The following MYH3 variants were observed in gnomAD, a reference collection of about 807,000 sequenced individuals.
The protein encoded by MYH3 is myosin heavy chain 3, also known as myosin-3.
MYH3 carries 130 observed loss-of-function variants against 238.0 expected under a neutral mutation model. That is an observed-to-expected ratio of 0.55 (90% confidence interval 0.47 to 0.63). The LOEUF (loss-of-function observed/expected upper bound fraction) is 0.63. Ranked by LOEUF, MYH3 falls within the 30% of genes least tolerant of loss-of-function variation. MYH3 has a pLI of 0.00. For synonymous variants in MYH3, 880 were observed against 924.1 expected (o/e 0.95, Z 0.86); for missense variants, 1,853 against 2,374.9 (o/e 0.78, Z 4.57).
At chr17:10,628,875 G>A (rs1382358266) in intron 40 of MYH3, among the ~76,000 whole-genome samples, 196 bp from the exon 41 acceptor site, 1 of 152,200 alleles carries the variant, frequency 6.6e-6, no homozygotes, top group African/African-American at 2.4e-5. Flanking sequence ...GAAAGAGCAA[G>A]CCCCAAACGC....
rs767805260 is a variant in MYH3, at chr17:10,635,892, C to T, written c.3857-39G>A. Reference sequence around the variant, plus strand: ...GAAATAGTTTCATTTCATTTATTCACTCATTCACTCACCAACTTTCTATTA... The same window carrying T: ...GAAATAGTTTCATTTCATTTATTCATTCATTCACTCACCAACTTTCTATTA... On this transcript the variant is annotated intron_variant, in intron 28 of 40. Coordinates refer to ENST00000583535, the MANE Select transcript of MYH3 (RefSeq NM_002470.4). 9 of 1,530,050 alleles carry T rather than the reference C, an allele frequency of 5.9e-6. No homozygotes were observed. In the Admixed American group the frequency reaches 1.3e-4, roughly 23 times the overall value. 94.8% of individuals were successfully genotyped at this position (1,530,050 alleles called of 1,614,324 possible).
chr17:10,671,125 C>G, the MYH3 span, among the ~76,000 whole-genome samples: 1 of 152,120 alleles, frequency 6.6e-6, no homozygotes, highest in Non-Finnish European at 1.5e-5. Flanking sequence ...AACTCCTGAC[C>G]TCAGGTGATC....
chr17:10,633,899 A>G, intron 32 of MYH3, 118 bp downstream of exon 32: 2 of 1,471,470 alleles, frequency 1.4e-6, no homozygotes, highest in Non-Finnish European at 1.9e-6. Flanking sequence ...CACTTTCTGC[A>G]TGTGCATTAA....
At chr17:10,635,163 C>T (rs1452701307) in intron 30 of MYH3, 140 bp from the exon 31 acceptor site, 3 of 1,313,828 alleles carry the variant, frequency 2.3e-6, no homozygotes, top group African/African-American at 2.9e-5. Flanking sequence ...TTCCTGTCTA[C>T]TCAAAATCTG....
chr17:10,648,593 G>A lies in MYH3; in HGVS notation c.699C>T (p.Asn233=), dbSNP rs16943604. The A allele has an allele frequency of 6.5e-3, 10,444 of 1,613,636 alleles. 84 individuals carry two copies. The highest frequency in any genetic ancestry group is 0.029 in the African/African-American group (2,194 of 75,008). The change falls in exon 8 of 41, where the codon AAC becomes AAT. Residue 233 remains asparagine, a synonymous_variant. Transcript: ENST00000583535. ...AGTTGTCATTCCTCACAGTCTTGGCGTTCCCAAAGGCCTCCAGCAGGGGAT... is the reference window on the plus strand; with the variant it reads ...AGTTGTCATTCCTCACAGTCTTGGCATTCCCAAAGGCCTCCAGCAGGGGAT... The part of the protein sequence containing the change: ...SANPLLEAFG[N]AKTVRNDNSS...
At chr17:10,669,448 GAGGCTGAGGCAGGA>G in the MYH3 span, among the ~76,000 whole-genome samples, 2 of 151,954 alleles carry the variant, frequency 1.3e-5, no homozygotes, top group African/African-American at 4.8e-5. Context: ...AGCTACTCAG[GAGGCTGAGGCAGGA>G]AGGCTGAGGC....
the MYH3 span, among the ~76,000 whole-genome samples, chr17:10,670,093 C>T: frequency 6.6e-6 from 1 of 152,120 alleles, no homozygotes; most frequent in African/African-American, 2.4e-5. This position sits in a 1 kb window ranked among gnomAD's most constrained non-coding sequence, Gnocchi z 7.0. Flanking sequence ...GTGACATTCT[C>T]CAGGGGGAAT....
At chr17:10,640,833 C>T in intron 19 of MYH3, 147 bp from the exon 20 acceptor site, 1 of 1,075,958 alleles carries the variant, frequency 9.3e-7, no homozygotes, top group South Asian at 1.3e-5. Context: ...TGCTAGAGAG[C>T]AGTCTAGAAT....
rs779700642 is a variant in MYH3, at chr17:10,652,560, G to A, written c.208C>T (p.Leu70=). 1.4e-4 allele frequency: 218 copies of A among 1,575,466 alleles called. 3 individuals are homozygous for A. The Middle Eastern group carries it at 6.2e-3, about 45-fold the overall frequency. The change falls in exon 4 of 41, where the codon CTG becomes TTG. Residue 70 remains leucine, a synonymous_variant. Transcript: ENST00000583535. ...VTVETEDNRT[L]VVKPEDVYAM... ...TACACATCCTCTGGTTTGACCACCA[G>A]GGTCTAAAAAGGAAGAGGCACAGTG...
chr17:10,667,469 G>T, the MYH3 span, among the ~76,000 whole-genome samples: 1 of 152,086 alleles, frequency 6.6e-6, no homozygotes, highest in East Asian at 1.9e-4. Flanking sequence ...ATCACTTGAG[G>T]ATAGGAGTTT....
rs869320749 is a variant in MYH3, at chr17:10,648,561, CG to C, written c.730del (p.Arg244ValfsTer35). The C allele has an allele frequency of 6.2e-7, 1 of 1,612,904 alleles. No individual in the cohort carries two copies. The highest frequency in any genetic ancestry group is 1.3e-5 in the African/African-American group (1 of 74,900). ...CTTAACCAAACTCAGACTCACAAAA[CG>C]GGAGGAGTTGTCATTCCTCACAGTC... ...AKTVRNDNSSRFGKFIRIHFG... is the reference protein window; with the variant it reads ...AKTVRNDNSSXFGKFIRIHFG... On this transcript the variant is annotated frameshift_variant, in exon 8 of 41. Transcript: ENST00000583535. LOFTEE classifies it high-confidence loss of function.
In MYH3 at chr17:10,631,813, C is replaced by T. The variant is rs747056618; in HGVS notation, c.5160G>A (p.Gln1720=). The T allele has an allele frequency of 9.9e-6, 16 of 1,614,158 alleles. No individual in the cohort carries two copies. The highest frequency in any genetic ancestry group is 1.2e-5 in the Non-Finnish European group (14 of 1,180,026). ...CCTCTCTTCCTCTCCCTCCCCTCAC[C>T]TGGGTATGCAGCAGCTGCACCCTCT... ...SNERVQLLHT[Q]NTSLIHTKKK... The change falls in exon 35 of 41, where the codon CAG becomes CAA. Residue 1720 remains glutamine, a splice_region_variant and synonymous_variant. Transcript: ENST00000583535.
chr17:10,652,540 A>C lies in MYH3; in HGVS notation c.228T>G (p.Asp76Glu). Reference protein sequence around the residue: ...DNRTLVVKPEDVYAMNPPKFD... With the variant: ...DNRTLVVKPEEVYAMNPPKFD... ...ACTTGGGGGGGTTCATGGCGTACAC[A>C]TCCTCTGGTTTGACCACCAGGGTCT... is the stretch of plus-strand genomic sequence containing the variant. Residue 76 changes from aspartate to glutamate, a missense_variant, in exon 4 of 41, where the codon GAT becomes GAG. Asp to Glu is a conservative substitution (Grantham distance 45). This residue lies in a region of MYH3 where 131 missense variants were observed against 123.5 expected (regional missense o/e 1.06). Coordinates refer to ENST00000583535, the MANE Select transcript of MYH3 (RefSeq NM_002470.4). The C allele has an allele frequency of 6.2e-7, 1 of 1,608,004 alleles. No individual in the cohort carries two copies. Among genetic ancestry groups the C allele is most frequent in the Admixed American group, 1.7e-5 (1 of 59,598 alleles).
intron 2 of MYH3, 53 bp from the exon 3 acceptor site, chr17:10,655,125 G>A (rs2074415618): frequency 1.4e-6 from 2 of 1,431,580 alleles, no homozygotes; most frequent in Non-Finnish European, 2.0e-6. Flanking sequence ...CAGGCACCCA[G>A]CAGCTCCAGG....
intron 33 of MYH3, among the ~76,000 whole-genome samples, chr17:10,633,192 C>T (rs1450770394): frequency 1.3e-5 from 2 of 152,012 alleles, no homozygotes; most frequent in Non-Finnish European, 2.9e-5. Context: ...AAGAGCAAAA[C>T]TCTGTCTCAA....
the MYH3 span, among the ~76,000 whole-genome samples, chr17:10,671,846 T>C: frequency 1.3e-5 from 2 of 152,192 alleles, no homozygotes; most frequent in Admixed American, 1.3e-4. Flanking sequence ...CCCAATGTGC[T>C]GGGATTACAG....
Position 10,642,102 on chromosome 17 carries a change from T to A in MYH3, c.1959+138A>T, listed in dbSNP as rs2074278499. ...ACCGTATTTATTATATTTTATCATCTGTCACTTCACCTCAGTGACAGTAAT... is the reference window on the plus strand; with the variant it reads ...ACCGTATTTATTATATTTTATCATCAGTCACTTCACCTCAGTGACAGTAAT... On this transcript the variant is annotated intron_variant, in intron 17 of 40. Transcript: ENST00000583535. This position sits in a 1 kb window ranked among gnomAD's most constrained non-coding sequence, Gnocchi z 5.4. 1.1e-5 allele frequency: 8 copies of A among 746,420 alleles called. No homozygotes were observed. The South Asian group carries it at 1.2e-4, about 11-fold the overall frequency. 46.2% of individuals were successfully genotyped at this position (746,420 alleles called of 1,614,324 possible).
rs1401378472 is a variant in MYH3, at chr17:10,654,997, T to C, written c.68A>G (p.Glu23Gly). Residue 23 changes from glutamate (E) to glycine (G), a missense_variant, in exon 3 of 41, where the codon GAG (glutamate) becomes GGG (glycine). Around this residue, in one of 3 missense-constraint regions of MYH3, gnomAD observed 131 missense variants for 123.5 expected, o/e 1.06. Coordinates refer to ENST00000583535, the MANE Select transcript of MYH3 (RefSeq NM_002470.4). This position sits in a 1 kb window ranked among gnomAD's most constrained non-coding sequence, Gnocchi z 4.5. ...GGGCTGGTTCTGAGCCTCGATCCTC[T>C]CCTTTTCTGACTTCCGGAGGAAAGG... Reference protein sequence around the residue: ...AAPFLRKSEKERIEAQNQPFD... With the variant: ...AAPFLRKSEKGRIEAQNQPFD... The C allele has an allele frequency of 6.2e-7, 1 of 1,614,184 alleles. No homozygotes were observed. Among genetic ancestry groups the C allele is most frequent in the Admixed American group, 1.7e-5 (1 of 60,020 alleles).
Position 10,631,648 on chromosome 17 carries a change from C to T in MYH3, c.5249G>A (p.Arg1750Lys). 6.2e-7 allele frequency: 1 copy of T among 1,614,182 alleles called. No homozygotes were observed. Among genetic ancestry groups the T allele is most frequent in the Non-Finnish European group, 8.5e-7 (1 of 1,180,022 alleles). ...CTTCTTGGCCTTCTCCTCAGCGTTC[C>T]TTGCATCCCTGCTGGCATCTTCTAC... ...SEVEDASRDA[R>K]NAEEKAKKAI... is the part of the protein sequence containing the mutation. The change falls in exon 36 of 41, where the codon AGG becomes AAG. Residue 1750 changes from arginine to lysine, a missense_variant. By Grantham distance (26) the Arg-to-Lys change is conservative (BLOSUM62 2). This residue lies in a region of MYH3 where 1,044 missense variants were observed against 1,192.6 expected (regional missense o/e 0.88). Transcript: ENST00000583535.
Sources: gnomAD v4.1 joint callset for allele counts (sites outside exome capture counted in the v4.1 genomes callset) on GRCh38, gnomAD v4.1.1 for gene constraint, gnomAD v4.1.1 regional missense constraint, Gnocchi (gnomAD v3.1) non-coding constraint, MANE v1.5 for transcripts, NCBI Gene and HGNC (gene_info 2026-07-23, HGNC 2026-07-21) for gene names.